Variants in CPXM1 observed in about 807,000 individuals in gnomAD.
CPXM1 encodes carboxypeptidase X, M14 family member 1.
CPXM1 carries 72 observed loss-of-function variants against 80.4 expected under a neutral mutation model. That is an observed-to-expected ratio of 0.90 (90% CI 0.74 to 1.09). The LOEUF is 1.09. Ranked by LOEUF, CPXM1 falls within the 50% of genes least tolerant of loss-of-function variation. The pLI is 0.00. For missense variants in CPXM1, 892 were observed against 999.4 expected (o/e 0.89, Z 1.45); for synonymous variants, 403 against 405.6 (o/e 0.99, Z 0.08).
Position 2,796,732 on chromosome 20 carries a change from A to ACATGTGCCATGG in CPXM1, c.922-83_922-82insCCATGGCACATG. ...ATCACATGTGCCATGGAAAGACTTA[A>ACATGTGCCATGG]AAAGTCAGCGATGGCCCACACAGAG... On this transcript the variant is annotated intron_variant, in intron 7 of 13. Transcript: ENST00000380605. This position sits in a 1 kb window ranked among gnomAD's most constrained non-coding sequence, Gnocchi z 6.8. 1 of 1,563,084 alleles carries ACATGTGCCATGG rather than the reference A, an allele frequency of 6.4e-7. No individual in the cohort carries two copies. The highest frequency in any genetic ancestry group is 8.7e-7 in the Non-Finnish European group (1 of 1,151,082).
Position 2,796,794 on chromosome 20 carries a change from C to T in CPXM1, c.922-144G>A. 5 of 1,269,124 alleles carry T rather than the reference C, an allele frequency of 3.9e-6. No homozygotes were observed. The highest frequency in any genetic ancestry group is 5.4e-6 in the Non-Finnish European group (5 of 919,552). 78.6% of individuals were successfully genotyped at this position (1,269,124 alleles called of 1,614,324 possible). On this transcript the variant is annotated intron_variant, in intron 7 of 13. Transcript: ENST00000380605. This position sits in a 1 kb window ranked among gnomAD's most constrained non-coding sequence, Gnocchi z 6.8. ...TCATGGTACAGGAGGGGAGCGGCAG[C>T]AGAGCCGGGAGGAAGGGGTAGGACT...
At chr20:2,799,518 G>A (rs1338583409) in intron 1 of CPXM1, among the ~76,000 whole-genome samples, 1 of 152,144 alleles carries the variant, frequency 6.6e-6, no homozygotes. Context: ...GGTACCCATC[G>A]AAGCTCCACA....
In CPXM1 at chr20:2,794,568, G is replaced by A. The variant is rs1439090581; in HGVS notation, c.1932C>T (p.Ala644=). ...TCACGTCATGGTTAATCCCATCCACGGCAATGACAGCGTCAGCAATCCCAA... is the reference window on the plus strand; with the variant it reads ...TCACGTCATGGTTAATCCCATCCACAGCAATGACAGCGTCAGCAATCCCAA... ...TELGIADAVI[A]VDGINHDVTT... Residue 644 remains alanine (A), a synonymous_variant, in exon 13 of 14, where the codon GCC becomes GCT. Transcript: ENST00000380605. This position sits in a 1 kb window ranked among gnomAD's most constrained non-coding sequence, Gnocchi z 5.2. 8.1e-6 allele frequency: 13 copies of A among 1,613,756 alleles called. No individual in the cohort carries two copies. Among genetic ancestry groups the A allele is most frequent in the South Asian group, 6.6e-5 (6 of 91,084 alleles).
rs1434167372 is a variant in CPXM1, at chr20:2,794,387, T to C, written c.2008A>G (p.Met670Val). 3.7e-6 allele frequency: 6 copies of C among 1,614,144 alleles called. No individual in the cohort carries two copies. The East Asian group carries it at 1.1e-4, about 30-fold the overall frequency. ...YWRLLTPGDY[M>V]VTASAEGYHS... ...TAGCCCTCGGCACTGGCAGTCACCA[T>C]GTAGTCCCCTGGGGTCAGCAGACGC... Residue 670 changes from methionine (M) to valine (V), a missense_variant, in exon 14 of 14, where the codon ATG becomes GTG. By Grantham distance (21) the Met-to-Val change is conservative (BLOSUM62 1). This residue lies in a region of CPXM1 where 874 missense variants were observed against 958.4 expected (regional missense o/e 0.91). Coordinates refer to ENST00000380605, the MANE Select transcript of CPXM1 (RefSeq NM_019609.5). This position sits in a 1 kb window ranked among gnomAD's most constrained non-coding sequence, Gnocchi z 5.2.
Position 2,794,517 on chromosome 20 carries a change from G to T in CPXM1, c.1963+20C>A. 1.2e-6 allele frequency: 2 copies of T among 1,613,706 alleles called. No individual in the cohort carries two copies. The highest frequency in any genetic ancestry group is 1.3e-5 in the African/African-American group (1 of 74,982). On this transcript the variant is annotated intron_variant, in intron 13 of 13. Coordinates refer to ENST00000380605, the MANE Select transcript of CPXM1 (RefSeq NM_019609.5). The surrounding 1 kb of genome is among the most constrained non-coding windows in gnomAD (Gnocchi z 5.2). ...CTCCAGCCCTCCAGCCCCTTCCCTT[G>T]CCCTCCCGGTCAAACACACCCGTGG...
Position 2,797,058 on chromosome 20 carries a change from C to G in CPXM1, c.869G>C (p.Gly290Ala). 1 of 1,614,060 alleles carries G rather than the reference C, an allele frequency of 6.2e-7. No homozygotes were observed. The highest frequency in any genetic ancestry group is 8.5e-7 in the Non-Finnish European group (1 of 1,179,982). ...NDLFLEAPAS[G>A]SSDPLDFQHH... ...CTGAAAGTCTAGAGGGTCAGAGGAT[C>G]CCGACGCAGGGGCCTCAAGGAATAG... Residue 290 changes from glycine to alanine, a missense_variant, in exon 7 of 14, where the codon GGA becomes GCA. Coordinates refer to ENST00000380605, the MANE Select transcript of CPXM1 (RefSeq NM_019609.5).
Position 2,797,333 on chromosome 20 carries a change from C to T in CPXM1, c.691G>A (p.Ala231Thr). 1 of 1,501,166 alleles carries T rather than the reference C, an allele frequency of 6.7e-7. No homozygotes were observed. Among genetic ancestry groups the T allele is most frequent in the Non-Finnish European group, 8.9e-7 (1 of 1,127,546 alleles). 93.0% of individuals were successfully genotyped at this position (1,501,166 alleles called of 1,614,324 possible). ...ACTGGAGTTTCTGGGTCTGAATTGG[C>T]AGGAAATACCTGGGGGCAGCAAGTT... ...HSSGMDAVFP[A>T]NSDPETPVLN... Residue 231 changes from alanine (A) to threonine (T), a missense_variant, in exon 6 of 14, where the codon GCC becomes ACC. Ala to Thr is a moderately conservative substitution (Grantham distance 58). Transcript: ENST00000380605.
rs2088478809 is a variant in CPXM1 at position 2,794,080 on chromosome 20, G to A, written c.*110C>T. 7.6e-6 allele frequency: 11 copies of A among 1,439,446 alleles called. No homozygotes were observed. The South Asian group carries it at 1.5e-4, about 20-fold the overall frequency. The allele number at this position is 1,439,446 out of a possible 1,614,324, so 89.2% of individuals were successfully genotyped here. On this transcript the variant is annotated 3_prime_UTR_variant, in exon 14 of 14. Transcript: ENST00000380605. The surrounding 1 kb of genome is among the most constrained non-coding windows in gnomAD (Gnocchi z 5.2). ...AGACAACACGAAGATGAGCTAAGGT[G>A]CCCGGTAGCTTTAATGAGCACCTTT...
Position 2,798,243 on chromosome 20 carries a change from C to T in CPXM1, c.499G>A (p.Glu167Lys), listed in dbSNP as rs2146561846. 4 of 1,614,006 alleles carry T rather than the reference C, an allele frequency of 2.5e-6. No homozygotes were observed. Among genetic ancestry groups the T allele is most frequent in the Non-Finnish European group, 3.4e-6 (4 of 1,180,044 alleles). The change falls in exon 4 of 14, where the codon GAG (glutamate) becomes AAG (lysine). Residue 167 changes from glutamate (E) to lysine (K), a missense_variant. Physicochemically the swap from Glu to Lys is moderately conservative, Grantham distance 56. Transcript: ENST00000380605. ...DLYDGAWCAE[E>K]QDADPWFQVD... ...TGAAACCATGGATCGGCGTCCTGCT[C>T]CTCAGCACACCAGGCTCCATCATAT...
Position 2,798,803 on chromosome 20 carries a change from G to T in CPXM1, c.263C>A (p.Thr88Asn). ...AAGGGGCCCGGCAGTCACCAGTGGG[G>T]TGGGGCGAGTTAGAGTTAGCTTCTT... ...KRKKLTLTRP[T>N]PLVTAGPLVT... The change falls in exon 2 of 14, where the codon ACC becomes AAC. Residue 88 changes from threonine to asparagine, a missense_variant. Around this residue, in one of 2 missense-constraint regions of CPXM1, gnomAD observed 874 missense variants for 958.4 expected, o/e 0.91. Coordinates refer to ENST00000380605, the MANE Select transcript of CPXM1 (RefSeq NM_019609.5). 1.2e-6 allele frequency: 2 copies of T among 1,614,044 alleles called. No individual in the cohort carries two copies. The highest frequency in any genetic ancestry group is 1.1e-5 in the South Asian group (1 of 91,070).
rs748025686 is a variant in CPXM1, at chr20:2,794,579, C to T, written c.1921G>A (p.Ala641Thr). ...DKDTELGIAD[A>T]VIAVDGINHD... ...TTAATCCCATCCACGGCAATGACAG[C>T]GTCAGCAATCCCAAGCTCCGTGTCC... is the stretch of plus-strand genomic sequence containing the variant. Residue 641 changes from alanine to threonine, a missense_variant, in exon 13 of 14, where the codon GCT becomes ACT. By Grantham distance (58) the Ala-to-Thr change is moderately conservative. This residue lies in a region of CPXM1 where 874 missense variants were observed against 958.4 expected (regional missense o/e 0.91). Transcript: ENST00000380605. The surrounding 1 kb of genome is among the most constrained non-coding windows in gnomAD (Gnocchi z 5.2). 22 of 1,613,730 alleles carry T rather than the reference C, an allele frequency of 1.4e-5. No homozygotes were observed. The highest frequency in any genetic ancestry group is 3.3e-5 in the South Asian group (3 of 91,082).
At position 2,795,579 on chromosome 20, in the gene CPXM1, C is replaced by T; in HGVS notation, c.1720+20G>A. ...GCGGGGGTTACGGGGCCAGGGCTAA[C>T]TCCACCCTCAGGCACATACTCCCGG... On this transcript the variant is annotated intron_variant, in intron 11 of 13. Coordinates refer to ENST00000380605, the MANE Select transcript of CPXM1 (RefSeq NM_019609.5). The surrounding 1 kb of genome is among the most constrained non-coding windows in gnomAD (Gnocchi z 5.4). The T allele has an allele frequency of 1.2e-6, 2 of 1,608,464 alleles. No individual in the cohort carries two copies. Among genetic ancestry groups the T allele is most frequent in the Non-Finnish European group, 1.7e-6 (2 of 1,175,650 alleles).
At position 2,798,527 on chromosome 20, in the gene CPXM1, AG is replaced by A; in HGVS notation, c.350del (p.Pro117LeufsTer124). 6.2e-7 allele frequency: 1 copy of A among 1,613,998 alleles called. No individual in the cohort carries two copies. Among genetic ancestry groups the A allele is most frequent in the Non-Finnish European group, 8.5e-7 (1 of 1,179,870 alleles). Reference protein sequence around the residue: ...PAEKQETGCPPLGLESLRVSD... With the variant: ...PAEKQETGCPXLGLESLRVSD... ...AAACTCGCAGGGACTCCAGACCCAA[AG>A]GAGGACAGCCTGGGGCGGGGATAGA... On this transcript the variant is annotated frameshift_variant, in exon 3 of 14. Coordinates refer to ENST00000380605, the MANE Select transcript of CPXM1 (RefSeq NM_019609.5). LOFTEE classifies it high-confidence loss of function.
At position 2,795,180 on chromosome 20, in the gene CPXM1, C is replaced by G. The variant is rs769575025; in HGVS notation, c.1860+97G>C. The G allele has an allele frequency of 7.0e-6, 10 of 1,420,948 alleles. No individual in the cohort carries two copies. The highest frequency in any genetic ancestry group is 9.7e-6 in the Non-Finnish European group (10 of 1,035,420). 88.0% of individuals were successfully genotyped at this position (1,420,948 alleles called of 1,614,324 possible). ...CCATGGCATCTTGTGAGTCTGAATGCTCAGCTGGACCTTAGAAGAACCCCT... is the reference window on the plus strand; with the variant it reads ...CCATGGCATCTTGTGAGTCTGAATGGTCAGCTGGACCTTAGAAGAACCCCT... On this transcript the variant is annotated intron_variant, in intron 12 of 13. Coordinates refer to ENST00000380605, the MANE Select transcript of CPXM1 (RefSeq NM_019609.5). This position sits in a 1 kb window ranked among gnomAD's most constrained non-coding sequence, Gnocchi z 5.4.
Position 2,798,015 on chromosome 20 carries a change from T to G in CPXM1, c.634A>C (p.Ser212Arg), listed in dbSNP as rs1328648187. Residue 212 changes from serine (S) to arginine (R), a missense_variant, in exon 5 of 14, where the codon AGT becomes CGT. Transcript: ENST00000380605. Reference protein sequence around the residue: ...TSYKVQFSNDSRTWWGSRNHS... With the variant: ...TSYKVQFSNDRRTWWGSRNHS... Reference sequence around the variant, plus strand: ...TTCCTACTTCCCCACCAGGTCCGACTGTCATTGCTGAACTGGACCTTGTAT... The same window carrying G: ...TTCCTACTTCCCCACCAGGTCCGACGGTCATTGCTGAACTGGACCTTGTAT... 1 of 1,614,194 alleles carries G rather than the reference T, an allele frequency of 6.2e-7. No homozygotes were observed. The highest frequency in any genetic ancestry group is 8.5e-7 in the Non-Finnish European group (1 of 1,180,032).
In CPXM1 at chr20:2,795,127, T is replaced by C; in HGVS notation, c.1860+150A>G. 4 of 995,290 alleles carry C rather than the reference T, an allele frequency of 4.0e-6. No homozygotes were observed. The highest frequency in any genetic ancestry group is 5.9e-6 in the Non-Finnish European group (4 of 674,384). The allele number at this position is 995,290 out of a possible 1,614,324, so 61.7% of individuals were successfully genotyped here. On this transcript the variant is annotated intron_variant, in intron 12 of 13. Coordinates refer to ENST00000380605, the MANE Select transcript of CPXM1 (RefSeq NM_019609.5). The surrounding 1 kb of genome is among the most constrained non-coding windows in gnomAD (Gnocchi z 5.4). ...AACTGCACTTCCTGTCCTGTGTGCT[T>C]CCAAGACAATCTGATACCAAGCATG...
rs770028632 is a variant in CPXM1, at chr20:2,795,977, C to T, written c.1422+5G>A. 4 of 1,604,160 alleles carry T rather than the reference C, an allele frequency of 2.5e-6. No homozygotes were observed. In the South Asian group the frequency reaches 3.4e-5, roughly 13 times the overall value. The stretch of plus-strand genomic sequence containing the variant: ...GACCTCCACTGCCGCCCTCAAAATA[C>T]TCACGGTGGCATTGGGCAGGGTGTA... On this transcript the variant is annotated splice_donor_5th_base_variant and intron_variant, in intron 10 of 13. Coordinates refer to ENST00000380605, the MANE Select transcript of CPXM1 (RefSeq NM_019609.5). The surrounding 1 kb of genome is among the most constrained non-coding windows in gnomAD (Gnocchi z 5.4).
Position 2,794,283 on chromosome 20 carries a change from G to T in CPXM1, c.2112C>A (p.Pro704=). ...CCAGCAGCTCGCGCAGCCTCTGTTTGGGAGTCTTGGTGAGCACGAAATTGC... is the reference window on the plus strand; with the variant it reads ...CCAGCAGCTCGCGCAGCCTCTGTTTTGGAGTCTTGGTGAGCACGAAATTGC... ...FPCNFVLTKT[P]KQRLRELLAA... The change falls in exon 14 of 14, where the codon CCC becomes CCA. Residue 704 remains proline (P), a synonymous_variant. Coordinates refer to ENST00000380605, the MANE Select transcript of CPXM1 (RefSeq NM_019609.5). The surrounding 1 kb of genome is among the most constrained non-coding windows in gnomAD (Gnocchi z 5.2). 8.1e-6 allele frequency: 13 copies of T among 1,614,112 alleles called. No individual in the cohort carries two copies. The highest frequency in any genetic ancestry group is 1.1e-5 in the Non-Finnish European group (13 of 1,180,042).
rs1443745335 is a variant in CPXM1, at chr20:2,796,494, G to T, written c.1045+33C>A. On this transcript the variant is annotated intron_variant, in intron 8 of 13. Coordinates refer to ENST00000380605, the MANE Select transcript of CPXM1 (RefSeq NM_019609.5). The surrounding 1 kb of genome is among the most constrained non-coding windows in gnomAD (Gnocchi z 6.8). Reference sequence around the variant, plus strand: ...GGGTTCATGCCTGGGGCCCTGCCCTGTGCCTACCTCTCCCCACTCCCCATG... The same window carrying T: ...GGGTTCATGCCTGGGGCCCTGCCCTTTGCCTACCTCTCCCCACTCCCCATG... The T allele has an allele frequency of 6.2e-7, 1 of 1,613,546 alleles. No homozygotes were observed. The highest frequency in any genetic ancestry group is 8.5e-7 in the Non-Finnish European group (1 of 1,179,680).
Sources: gnomAD v4.1 joint callset for allele counts (sites outside exome capture counted in the v4.1 genomes callset) on GRCh38, gnomAD v4.1.1 for gene constraint, gnomAD v4.1.1 regional missense constraint, Gnocchi (gnomAD v3.1) non-coding constraint, MANE v1.5 for transcripts, NCBI Gene and HGNC (gene_info 2026-07-23, HGNC 2026-07-21) for gene names.